Variants in ASH1L observed in about 807,000 individuals in gnomAD.
ASH1L encodes the protein ASH1 like histone lysine methyltransferase.
ASH1L carries 23 observed loss-of-function variants against 269.0 expected under a neutral mutation model. The ratio of observed to expected loss-of-function variants is 0.09; its 90% CI spans 0.06 to 0.12. ASH1L has a LOEUF of 0.12. Ranked by LOEUF, ASH1L falls within the 10% of genes least tolerant of loss-of-function variation. The pLI is 1.00. For missense variants in ASH1L, 2,912 were observed against 3,567.8 expected, an observed-to-expected ratio of 0.82 and a Z score of 4.68; for synonymous variants, 1,187 against 1,253.5, an observed-to-expected ratio of 0.95 and a Z score of 1.12.
rs759727262 is a variant in ASH1L, at chr1:155,344,165, T to G, written c.7981+18A>C. ...AAAGGTCACCTCTGACAAGTAGGAT[T>G]AGCTCCTGTATACATACCCTGACGA... On this transcript the variant is annotated intron_variant, in intron 22 of 27. Coordinates refer to ENST00000392403, the MANE Select transcript of ASH1L (RefSeq NM_018489.3). 3 of 1,609,122 alleles carry G rather than the reference T, an allele frequency of 1.9e-6. No homozygotes were observed. The highest frequency in any genetic ancestry group is 2.6e-6 in the Non-Finnish European group (3 of 1,175,740).
At chr1:155,545,174 CCAAAAAAAAAAAAAAAA>C (rs1286775081) in intron 1 of ASH1L, among the ~76,000 whole-genome samples, 2 of 2,186 alleles carry the variant, frequency 9.1e-4, no homozygotes, top group African/African-American at 1.9e-3. Context: ...CTCCATCTCA[CCAAAAAAAAAAAAAAAA>C]AAAAAAAAAA....
intron 2 of ASH1L, among the ~76,000 whole-genome samples, chr1:155,514,999 A>G (rs978844240): frequency 3.9e-5 from 6 of 152,116 alleles, no homozygotes; most frequent in Admixed American, 3.3e-4. Context: ...AGAAGCTCCA[A>G]AGCACTTTTC....
At chr1:155,554,836 G>C (rs1671472414) in intron 1 of ASH1L, among the ~76,000 whole-genome samples, 1 of 152,140 alleles carries the variant, frequency 6.6e-6, no homozygotes, top group Non-Finnish European at 1.5e-5. Flanking sequence ...ACAAATGAAT[G>C]GCTTGTTAAA....
At chr1:155,460,062 A>T (rs997781730) in intron 3 of ASH1L, among the ~76,000 whole-genome samples, 164 bp from the exon 4 acceptor site, 3 of 152,212 alleles carry the variant, frequency 2.0e-5, no homozygotes, top group African/African-American at 7.2e-5. Flanking sequence ...GCAGAGGACA[A>T]ATCACACTAT....
chr1:155,368,148 G>A (rs1163100420), intron 12 of ASH1L, among the ~76,000 whole-genome samples: 1 of 152,032 alleles, frequency 6.6e-6, no homozygotes, highest in Admixed American at 6.6e-5. Flanking sequence ...ATCACACCCA[G>A]CTAATATTTA....
In ASH1L at chr1:155,522,781, G is replaced by A. The variant is rs139053840; in HGVS notation, c.-99-1163C>T. ...AGCTCACTGCAACCTGCGTCTCCTG[G>A]GTTCAAGAGATTCTCCTGCCTCAGC... On this transcript the variant is annotated intron_variant, in intron 1 of 27. Transcript: ENST00000392403. 6.1e-3 allele frequency among the ~76,000 whole-genome samples: 927 copies of A among 151,688 alleles called. 10 individuals carry two copies. The highest frequency in any genetic ancestry group is 0.022 in the African/African-American group (903 of 41,326).
At chr1:155,376,921 G>A (rs1217595179) in intron 10 of ASH1L, among the ~76,000 whole-genome samples, 2 of 149,994 alleles carry the variant, frequency 1.3e-5, no homozygotes, top group Non-Finnish European at 3.0e-5. Context: ...TTTTTTTTGG[G>A]GGGGAGATGG....
chr1:155,519,737 C>A (rs946569938), intron 2 of ASH1L, among the ~76,000 whole-genome samples: 1 of 152,056 alleles, frequency 6.6e-6, no homozygotes, highest in South Asian at 2.1e-4. Flanking sequence ...GAGCTCACTG[C>A]AACCTCTGCC....
At chr1:155,485,281 A>T (rs1288501312) in intron 2 of ASH1L, among the ~76,000 whole-genome samples, 2 of 151,590 alleles carry the variant, frequency 1.3e-5, no homozygotes, top group African/African-American at 4.8e-5. Context: ...CCCAAAACCA[A>T]ATACCAAAGA....
intron 21 of ASH1L, chr1:155,344,584 G>A: frequency 4.7e-6 from 1 of 211,672 alleles, no homozygotes. Flanking sequence ...GTATGCTACT[G>A]GTATTTAATG....
At chr1:155,461,233 T>C (rs1475732714) in intron 3 of ASH1L, among the ~76,000 whole-genome samples, 1 of 152,244 alleles carries the variant, frequency 6.6e-6, no homozygotes, top group Non-Finnish European at 1.5e-5. Context: ...AGTTGCTGTT[T>C]CCTTTTCTCT....
chr1:155,379,948 T>C (rs760493609), intron 8 of ASH1L, 95 bp downstream of exon 8: 3 of 911,668 alleles, frequency 3.3e-6, no homozygotes, highest in South Asian at 3.0e-5. Context: ...CCTCCTAAGA[T>C]GAAAACATAA....
chr1:155,391,517 T>C (rs933413897), intron 7 of ASH1L, among the ~76,000 whole-genome samples: 1 of 152,226 alleles, frequency 6.6e-6, no homozygotes, highest in Non-Finnish European at 1.5e-5. Context: ...TGGATGACCT[T>C]GGAAATTGTC....
rs1571126899 is a variant in ASH1L at position 155,546,662 on chromosome 1, GCAGGAGAAT to G, written c.-100+15482_-100+15490del. Among the ~76,000 whole-genome samples, 7 of 151,908 alleles carry G rather than the reference GCAGGAGAAT, an allele frequency of 4.6e-5. No homozygotes were observed. In the East Asian group the frequency reaches 1.4e-3, roughly 30 times the overall value. Reference sequence around the variant, plus strand: ...AGTCCCAGCTACTCGGGAGGCTGAGGCAGGAGAATCACTTGAACTCGGGGGGCAGAGGTT... The same window carrying G: ...AGTCCCAGCTACTCGGGAGGCTGAGGCACTTGAACTCGGGGGGCAGAGGTT... On this transcript the variant is annotated intron_variant, in intron 1 of 27. Transcript: ENST00000392403.
chr1:155,443,984 T>G (rs1239881334), intron 4 of ASH1L, among the ~76,000 whole-genome samples: 2 of 144,620 alleles, frequency 1.4e-5, no homozygotes, highest in Non-Finnish European at 3.0e-5. Context: ...TAAATCTTTT[T>G]TTTTTTTTTT....
intron 5 of ASH1L, among the ~76,000 whole-genome samples, chr1:155,419,773 T>C (rs925128312): frequency 1.3e-5 from 2 of 152,102 alleles, no homozygotes; most frequent in African/African-American, 4.8e-5. Flanking sequence ...TTCAGTATCA[T>C]AACAGAGGTC....
intron 2 of ASH1L, among the ~76,000 whole-genome samples, chr1:155,508,236 A>G (rs552351604): frequency 6.6e-6 from 1 of 152,354 alleles, no homozygotes; most frequent in Non-Finnish European, 1.5e-5. Context: ...GAAATGGCAG[A>G]CACCACATGT....
At chr1:155,372,988 G>C (rs934382704) in intron 10 of ASH1L, among the ~76,000 whole-genome samples, 2 of 152,054 alleles carry the variant, frequency 1.3e-5, no homozygotes, top group Non-Finnish European at 2.9e-5. Context: ...AGAGGCAGGA[G>C]GATCATGTGA....
At chr1:155,356,540 C>A (rs1486297665) in intron 15 of ASH1L, among the ~76,000 whole-genome samples, 1 of 149,934 alleles carries the variant, frequency 6.7e-6, no homozygotes, top group Non-Finnish European at 1.5e-5. Context: ...GAGGCTGAGG[C>A]AGGAGAATGG....
Sources: gnomAD v4.1 joint callset for allele counts (sites outside exome capture counted in the v4.1 genomes callset) on GRCh38, gnomAD v4.1.1 for gene constraint, MANE v1.5 for transcripts, NCBI Gene and HGNC (gene_info 2026-07-23, HGNC 2026-07-21) for gene names.